The following CCDC30 variants were observed in gnomAD, a reference collection of about 807,000 sequenced individuals.
CCDC30 encodes the protein coiled-coil domain-containing protein 30.
In CCDC30, 70 loss-of-function variants were observed where a neutral mutation model predicts 100.2. That is an observed-to-expected ratio of 0.70 (90% CI 0.58 to 0.85). CCDC30 has a LOEUF of 0.85. CCDC30 is among the 40% of genes least tolerant of loss of function. The probability of loss-of-function intolerance (pLI) is 0.00; values close to 1 mark genes in which losing one functional copy is unlikely to be tolerated. For synonymous variants in CCDC30, 233 were observed against 269.5 expected, an observed-to-expected ratio of 0.86 and a Z score of 1.33; for missense variants, 652 against 771.2, an observed-to-expected ratio of 0.85 and a Z score of 1.83.
intron 10 of CCDC30, chr1:42,595,621 A>G (rs1646271500): frequency 6.6e-6 from 1 of 152,228 alleles, no homozygotes; most frequent in Non-Finnish European, 1.5e-5. Context: ...TAGTCCACTG[A>G]GAGCAAATTG....
At chr1:42,491,506 TAA>T (rs34146821) in intron 4 of CCDC30, among the ~76,000 whole-genome samples, 5 of 144,218 alleles carry the variant, frequency 3.5e-5, no homozygotes, top group Non-Finnish European at 3.0e-5. Flanking sequence ...GGTTAATGGG[TAA>T]AAAAAAAAAA....
chr1:42,620,597 A>AAG (rs1436949938), intron 11 of CCDC30, among the ~76,000 whole-genome samples: 1 of 151,720 alleles, frequency 6.6e-6, no homozygotes, highest in African/African-American at 2.4e-5. Flanking sequence ...AAAAAAAAAA[A>AAG]GTAACTTGTC....
At chr1:42,642,050 C>T (rs772747425) in intron 12 of CCDC30, among the ~76,000 whole-genome samples, 28 of 151,864 alleles carry the variant, frequency 1.8e-4, no homozygotes, top group Non-Finnish European at 3.2e-4. Flanking sequence ...ACGGTGAAAC[C>T]CCATCTCTAC....
intron 9 of CCDC30, 135 bp downstream of exon 13, chr1:42,581,649 A>C: frequency 1.4e-6 from 1 of 707,506 alleles, no homozygotes; most frequent in South Asian, 2.1e-5. Flanking sequence ...GCCACACACA[A>C]TTCCTGATGT....
intron 11 of CCDC30, 26 bp downstream of exon 15, chr1:42,611,116 A>T (rs373925831): frequency 5.9e-6 from 8 of 1,365,590 alleles, no homozygotes; most frequent in Non-Finnish European, 8.4e-6. Flanking sequence ...TTCTCTTTGG[A>T]AGAAAACTAT....
Position 42,622,252 on chromosome 1 carries a change from T to C in CCDC30, c.1277+11162T>C, listed in dbSNP as rs577075185. ...ATGACCTCCAGTTCCATCCATGTAT[T>C]GCAAATGACAGGATCTCATTCTTTT... is the stretch of plus-strand genomic sequence containing the variant. On this transcript the variant is annotated intron_variant, in intron 11 of 16. Transcript: ENST00000668663. 2.0e-5 allele frequency among the ~76,000 whole-genome samples: 3 copies of C among 152,326 alleles called. No individual in the cohort carries two copies. In the South Asian group the frequency reaches 6.2e-4, roughly 32 times the overall value.
intron 6 of CCDC30, among the ~76,000 whole-genome samples, chr1:42,499,966 C>T (rs963290761): frequency 1.3e-5 from 2 of 152,152 alleles, no homozygotes; most frequent in Non-Finnish European, 2.9e-5. Flanking sequence ...TTCTTCTACC[C>T]CAGAAGGTTG....
chr1:42,621,908 A>C lies in CCDC30; in HGVS notation c.1277+10818A>C, dbSNP rs185700135. On this transcript the variant is annotated intron_variant, in intron 11 of 16. Transcript: ENST00000668663. Reference sequence around the variant, plus strand: ...GCAATTCTCCTGCCTCAGCCTCCCAAAGTGCTGGGATTACGGGTGTGAGCC... The same window carrying C: ...GCAATTCTCCTGCCTCAGCCTCCCACAGTGCTGGGATTACGGGTGTGAGCC... Among the ~76,000 whole-genome samples the C allele has an allele frequency of 9.9e-5, 15 of 152,208 alleles. No individual in the cohort carries two copies. The East Asian group carries it at 2.9e-3, about 29-fold the overall frequency.
chr1:42,465,747 T>C (rs543827211), intron 1 of CCDC30, among the ~76,000 whole-genome samples: 1 of 152,322 alleles, frequency 6.6e-6, no homozygotes, highest in African/African-American at 2.4e-5. Context: ...GCATTTTTAG[T>C]TGTCACAACT....
At chr1:42,465,554 G>A (rs577808646) in intron 1 of CCDC30, among the ~76,000 whole-genome samples, 6 of 152,178 alleles carry the variant, frequency 3.9e-5, no homozygotes, top group Non-Finnish European at 7.4e-5. Context: ...AGTAGAGACG[G>A]GGTTTCTCCA....
rs935458976 is a variant in CCDC30, at chr1:42,576,182, G to A, written c.637-838G>A. ...GCATTAGAGGATAGATTAGAAAAGA[G>A]TAAAAATGGAAGTGGTAGGACCAGT... is the stretch of plus-strand genomic sequence containing the variant. On this transcript the variant is annotated intron_variant, in intron 7 of 16. Coordinates refer to ENST00000668663, the Ensembl canonical transcript of CCDC30. Among the ~76,000 whole-genome samples the A allele has an allele frequency of 2.6e-5, 4 of 152,196 alleles. 1 individual carries two copies. Among genetic ancestry groups the A allele is most frequent in the Admixed American group, 2.0e-4 (3 of 15,278 alleles).
chr1:42,533,009 G>A (rs185707233), intron 6 of CCDC30, among the ~76,000 whole-genome samples: 1 of 152,156 alleles, frequency 6.6e-6, no homozygotes, highest in East Asian at 1.9e-4. Context: ...CACCCGCCTC[G>A]GCCTCCCAAA....
chr1:42,576,737 T>G (rs1348077474), intron 7 of CCDC30, among the ~76,000 whole-genome samples: 1 of 152,182 alleles, frequency 6.6e-6, no homozygotes, highest in African/African-American at 2.4e-5. Context: ...GGCAGAAAGT[T>G]TCACTGGAGT....
chr1:42,623,256 A>G (rs1363988600), intron 11 of CCDC30, among the ~76,000 whole-genome samples: 2 of 151,732 alleles, frequency 1.3e-5, no homozygotes, highest in Non-Finnish European at 2.9e-5. Context: ...CCATTTGTCC[A>G]TTTTTGCTTT....
At chr1:42,571,975 G>A (rs1351844516) in intron 7 of CCDC30, among the ~76,000 whole-genome samples, 3 of 152,202 alleles carry the variant, frequency 2.0e-5, no homozygotes, top group Non-Finnish European at 2.9e-5. Flanking sequence ...ATAGAACTGA[G>A]TAAGGTTTCT....
In CCDC30 at chr1:42,600,922, C is replaced by T. The variant is rs116636078; in HGVS notation, c.1165-10056C>T. On this transcript the variant is annotated intron_variant, in intron 10 of 16. Coordinates refer to ENST00000668663, the Ensembl canonical transcript of CCDC30. Reference sequence around the variant, plus strand: ...GTCTTGCTTCCCCTTCACCTTCCGCCGTGATTGTAAGTTTCCTGAGGCCTC... The same window carrying T: ...GTCTTGCTTCCCCTTCACCTTCCGCTGTGATTGTAAGTTTCCTGAGGCCTC... Among the ~76,000 whole-genome samples the T allele has an allele frequency of 8.1e-3, 1,235 of 152,046 alleles. 19 individuals are homozygous for T. Among genetic ancestry groups the T allele is most frequent in the African/African-American group, 0.028 (1,147 of 41,428 alleles).
intron 15 of CCDC30, among the ~76,000 whole-genome samples, chr1:42,650,493 ATATATG>A (rs1468324952): frequency 9.9e-6 from 1 of 100,680 alleles, no homozygotes; most frequent in African/African-American, 4.5e-5. Flanking sequence ...CTAAAAAAAT[ATATATG>A]TGTGTGTGTG....
At chr1:42,524,514 C>A (rs1220973094) in intron 6 of CCDC30, among the ~76,000 whole-genome samples, 2 of 152,164 alleles carry the variant, frequency 1.3e-5, no homozygotes, top group Non-Finnish European at 2.9e-5. Context: ...GGGCTTGCAA[C>A]AATGGGTGGA....
Position 42,631,342 on chromosome 1 carries a change from T to C in CCDC30, c.1278-5895T>C, listed in dbSNP as rs962267464. On this transcript the variant is annotated intron_variant, in intron 11 of 16. Transcript: ENST00000668663. ...TTCTCCTAGACAAATGGAGTCTCTC[T>C]CTATGTTCTGAGCCACTTGGAACTG... Among the ~76,000 whole-genome samples, 4 of 152,326 alleles carry C rather than the reference T, an allele frequency of 2.6e-5. No homozygotes were observed. The South Asian group carries it at 8.3e-4, about 32-fold the overall frequency.
Sources: allele counts gnomAD v4.1 joint callset (sites outside exome capture counted in the v4.1 genomes callset), GRCh38; gene constraint gnomAD v4.1.1; transcripts MANE v1.5; gene names NCBI Gene and HGNC (gene_info 2026-07-23, HGNC 2026-07-21).